Variants in SYT16 observed in about 807,000 individuals in gnomAD.
SYT16 encodes the protein synaptotagmin 16.
In SYT16, 42 loss-of-function variants were observed where a neutral mutation model predicts 61.4. The ratio of observed to expected loss-of-function variants is 0.68; its 90% CI spans 0.53 to 0.89. The LOEUF is 0.89. Ranked by LOEUF, SYT16 falls within the 40% of genes least tolerant of loss-of-function variation. SYT16 has a pLI of 0.00. For missense variants in SYT16, 804 were observed against 807.3 expected (o/e 1.00, Z 0.05); for synonymous variants, 314 against 302.3 (o/e 1.04, Z -0.40).
chr14:62,066,443 C>T (rs184283935), intron 3 of SYT16, among the ~76,000 whole-genome samples: 4 of 152,280 alleles, frequency 2.6e-5, no homozygotes, highest in Admixed American at 6.5e-5. Flanking sequence ...TATGACAGTG[C>T]CTGGCACATA....
At chr14:62,044,439 T>C (rs1337398173) in intron 3 of SYT16, among the ~76,000 whole-genome samples, 1 of 152,082 alleles carries the variant, frequency 6.6e-6, no homozygotes. Context: ...GTCCTAATGT[T>C]CTCCCTCCCC....
chr14:62,077,740 C>T (rs2056546808), intron 5 of SYT16: 1 of 152,140 alleles, frequency 6.6e-6, no homozygotes, highest in Non-Finnish European at 1.5e-5. Context: ...ATCTTTTTCT[C>T]AAATCAACCC....
intron 1 of SYT16, among the ~76,000 whole-genome samples, chr14:61,892,246 C>T (rs1210841121): frequency 2.0e-5 from 3 of 152,036 alleles, no homozygotes; most frequent in Admixed American, 6.6e-5. Context: ...ACCACCCTGG[C>T]CCCTCTCTCC....
intron 1 of SYT16, among the ~76,000 whole-genome samples, chr14:61,868,667 T>A (rs1390053495): frequency 6.6e-6 from 1 of 152,042 alleles, no homozygotes; most frequent in Non-Finnish European, 1.5e-5. Context: ...CAATAACATT[T>A]GTATGAGATG....
rs187132807 is a variant in SYT16, at chr14:62,088,916, A to T, written c.1624+4531A>T. Among the ~76,000 whole-genome samples the T allele has an allele frequency of 2.7e-3, 407 of 151,572 alleles. 2 individuals are homozygous for T. The highest frequency in any genetic ancestry group is 2.9e-3 in the Non-Finnish European group (196 of 67,934). ...GGGTCAAGTTGGTAAAAATAAAATG[A>T]GTCTTAGCCATGCATAGGGACTTCT... is the stretch of plus-strand genomic sequence containing the variant. On this transcript the variant is annotated intron_variant, in intron 7 of 7. Transcript: ENST00000683842.
At chr14:62,032,653 C>T (rs1440300337) in intron 3 of SYT16, among the ~76,000 whole-genome samples, 4 of 151,628 alleles carry the variant, frequency 2.6e-5, no homozygotes, top group Non-Finnish European at 5.9e-5. Context: ...AAACTCTCAT[C>T]CGGAAGTTTT....
chr14:61,958,303 T>G (rs1313549415), intron 1 of SYT16, among the ~76,000 whole-genome samples: 1 of 151,806 alleles, frequency 6.6e-6, no homozygotes, highest in African/African-American at 2.4e-5. Flanking sequence ...ACTATTTTCT[T>G]CCTTCTGCTA....
At chr14:62,010,132 T>C (rs1371195003) in intron 3 of SYT16, among the ~76,000 whole-genome samples, 1 of 152,200 alleles carries the variant, frequency 6.6e-6, no homozygotes, top group Non-Finnish European at 1.5e-5. Context: ...TATAAAATAG[T>C]CTATGTTAAG....
At chr14:61,840,934 G>C (rs897017074) in intron 1 of SYT16, among the ~76,000 whole-genome samples, 16 of 152,200 alleles carry the variant, frequency 1.1e-4, no homozygotes, top group African/African-American at 3.4e-4. Context: ...GCCAATGGAA[G>C]GGGAGAGATG....
chr14:61,850,415 A>G (rs1415481587), intron 1 of SYT16, among the ~76,000 whole-genome samples: 1 of 152,122 alleles, frequency 6.6e-6, no homozygotes, highest in Non-Finnish European at 1.5e-5. Flanking sequence ...GATTACAGGC[A>G]TGAGCCACCG....
chr14:62,010,787 A>C (rs749695539), intron 3 of SYT16, among the ~76,000 whole-genome samples: 12 of 152,096 alleles, frequency 7.9e-5, no homozygotes, highest in Non-Finnish European at 1.6e-4. Flanking sequence ...GTATCTTCTT[A>C]AGCTGTAATA....
At chr14:61,884,713 T>C (rs2047833648) in intron 1 of SYT16, among the ~76,000 whole-genome samples, 1 of 152,258 alleles carries the variant, frequency 6.6e-6, no homozygotes, top group Admixed American at 6.5e-5. Flanking sequence ...TCATTATGCC[T>C]AAGAAGCTGA....
intron 1 of SYT16, among the ~76,000 whole-genome samples, chr14:61,856,236 A>G (rs572905261): frequency 2.0e-4 from 30 of 152,328 alleles, no homozygotes; most frequent in Non-Finnish European, 4.1e-4. Flanking sequence ...TAACACATAC[A>G]TCTCAACAGG....
At chr14:62,082,866 A>T (rs899187427) in intron 6 of SYT16, among the ~76,000 whole-genome samples, 3 of 152,170 alleles carry the variant, frequency 2.0e-5, no homozygotes, top group African/African-American at 7.2e-5. Context: ...TCTTTCATTC[A>T]CCAGTTATTT....
intron 1 of SYT16, among the ~76,000 whole-genome samples, chr14:61,918,522 T>G (rs2049206035): frequency 6.6e-6 from 1 of 152,172 alleles, no homozygotes; most frequent in South Asian, 2.1e-4. Flanking sequence ...ATTCTTATGT[T>G]GAAAATACCT....
intron 1 of SYT16, among the ~76,000 whole-genome samples, chr14:61,888,608 T>C (rs2048003294): frequency 6.6e-6 from 1 of 152,172 alleles, no homozygotes; most frequent in Non-Finnish European, 1.5e-5. Flanking sequence ...CAAAAGTCAC[T>C]GATCACAGAT....
chr14:62,030,299 C>T (rs2054264552), intron 3 of SYT16, among the ~76,000 whole-genome samples: 1 of 152,204 alleles, frequency 6.6e-6, no homozygotes, highest in Non-Finnish European at 1.5e-5. Flanking sequence ...CCGCTTATAT[C>T]ATCCTGCCGG....
In SYT16 at chr14:62,105,981, G is replaced by T. The variant is rs951319010; in HGVS notation, c.*5274G>T. ...TAGGGAAGGTGAAGGAGTTAGATGGGAGGTAAGAAGGCTGAGGAGATTTCT... is the reference window on the plus strand; with the variant it reads ...TAGGGAAGGTGAAGGAGTTAGATGGTAGGTAAGAAGGCTGAGGAGATTTCT... On this transcript the variant is annotated 3_prime_UTR_variant, in exon 8 of 8. Transcript: ENST00000683842. 1.2e-4 allele frequency: 19 copies of T among 152,284 alleles called. 1 individual carries two copies. Among genetic ancestry groups the T allele is most frequent in the Admixed American group, 1.0e-3 (16 of 15,294 alleles). The allele number at this position is 152,284 out of a possible 1,614,324, so 9.4% of individuals were successfully genotyped here.
intron 1 of SYT16, among the ~76,000 whole-genome samples, chr14:61,963,706 G>C (rs946171844): frequency 1.1e-4 from 16 of 152,188 alleles, no homozygotes. Flanking sequence ...AGACCAAACA[G>C]TCTTCTACTG....
Sources: allele counts gnomAD v4.1 joint callset (sites outside exome capture counted in the v4.1 genomes callset), GRCh38; gene constraint gnomAD v4.1.1; transcripts MANE v1.5; gene names NCBI Gene and HGNC (gene_info 2026-07-23, HGNC 2026-07-21).